The following PAX5 variants were observed in gnomAD, a reference collection of about 807,000 sequenced individuals.
PAX5 encodes paired box 5.
PAX5 carries 9 observed loss-of-function variants against 43.7 expected under a neutral mutation model. The ratio of observed to expected loss-of-function variants is 0.21; its 90% CI spans 0.12 to 0.36. The LOEUF is 0.36. Among genes scored for constraint, PAX5 ranks in the 10% least tolerant of loss-of-function variants. PAX5 has a pLI of 1.00. For synonymous variants in PAX5, 228 were observed against 214.3 expected (o/e 1.06, Z -0.56); for missense variants, 383 against 532.7 (o/e 0.72, Z 2.77).
At chr9:36,918,321 T>C (rs1362739857) in intron 7 of PAX5, among the ~76,000 whole-genome samples, 2 of 152,312 alleles carry the variant, frequency 1.3e-5, no homozygotes, top group South Asian at 2.1e-4. Context: ...AACACATGAA[T>C]GATAAGCCTT....
intron 6 of PAX5, among the ~76,000 whole-genome samples, chr9:36,952,207 T>C (rs1284995740): frequency 6.6e-6 from 1 of 151,706 alleles, no homozygotes; most frequent in Non-Finnish European, 1.5e-5. Context: ...AGTCCTTCTG[T>C]TTTTTTAATA....
intron 5 of PAX5, among the ~76,000 whole-genome samples, chr9:36,997,747 T>G (rs1313560278): frequency 6.6e-6 from 1 of 152,194 alleles, no homozygotes; most frequent in African/African-American, 2.4e-5. Context: ...CTCAGAGCCA[T>G]CCCGCAGGCC....
intron 6 of PAX5, among the ~76,000 whole-genome samples, chr9:36,930,698 T>A (rs923938793): frequency 6.6e-6 from 1 of 151,886 alleles, no homozygotes; most frequent in Admixed American, 6.6e-5. Context: ...ATGAGTAAAA[T>A]GAAATTTTAA....
chr9:36,952,601 A>G (rs890491544), intron 6 of PAX5, among the ~76,000 whole-genome samples: 9 of 152,102 alleles, frequency 5.9e-5, no homozygotes, highest in Non-Finnish European at 4.4e-5. Flanking sequence ...GTGTCATACA[A>G]TTCCATTTTA....
chr9:37,017,249 C>T (rs572603672), intron 2 of PAX5, among the ~76,000 whole-genome samples: 11 of 152,228 alleles, frequency 7.2e-5, no homozygotes, highest in African/African-American at 2.6e-4. Context: ...TATCTTGATC[C>T]TCACACTAAC....
At chr9:36,845,290 C>G (rs550310715) in intron 9 of PAX5, among the ~76,000 whole-genome samples, 2 of 152,354 alleles carry the variant, frequency 1.3e-5, no homozygotes, top group East Asian at 3.9e-4. Flanking sequence ...GACTCATCTC[C>G]CTACCCCCAC....
chr9:36,986,188 T>G (rs560975794), intron 5 of PAX5, among the ~76,000 whole-genome samples: 41 of 151,652 alleles, frequency 2.7e-4, no homozygotes, highest in African/African-American at 7.2e-4. Context: ...CATCCGTTGT[T>G]AGCATAACAA....
At chr9:37,021,045 A>G (rs957689120) in intron 1 of PAX5, among the ~76,000 whole-genome samples, 1 of 152,204 alleles carries the variant, frequency 6.6e-6, no homozygotes, top group Non-Finnish European at 1.5e-5. Flanking sequence ...TCCCCATACT[A>G]TTATTAGCAT....
intron 7 of PAX5, among the ~76,000 whole-genome samples, chr9:36,889,228 C>T (rs1229480934): frequency 6.6e-6 from 1 of 152,166 alleles, no homozygotes; most frequent in East Asian, 1.9e-4. Context: ...ATGTCTTAAC[C>T]TCATTCAATA....
At chr9:36,987,420 A>G (rs1367562561) in intron 5 of PAX5, among the ~76,000 whole-genome samples, 2 of 152,230 alleles carry the variant, frequency 1.3e-5, no homozygotes, top group Admixed American at 6.5e-5. Context: ...CTCATAGGCA[A>G]GAGAGCTTTA....
intron 8 of PAX5, among the ~76,000 whole-genome samples, chr9:36,877,195 C>T (rs781626160): frequency 4.6e-5 from 7 of 152,086 alleles, no homozygotes; most frequent in Non-Finnish European, 8.8e-5. Context: ...AATTAGGTGG[C>T]ATGGTGGCAG....
At position 36,934,918 on chromosome 9, in the gene PAX5, AG is replaced by A. The variant is rs561348535; in HGVS notation, c.781-11435del. ...CCTGTGGAATCAAATGAACTTGGAC[AG>A]GTACCATGGCCTGGCTCTTCCAACG... is the stretch of plus-strand genomic sequence containing the variant. On this transcript the variant is annotated intron_variant, in intron 6 of 9. Transcript: ENST00000358127. 7.2e-5 allele frequency among the ~76,000 whole-genome samples: 11 copies of A among 152,350 alleles called. No homozygotes were observed. The South Asian group carries it at 2.3e-3, about 32-fold the overall frequency.
chr9:36,970,798 T>C (rs1419382026), intron 5 of PAX5, among the ~76,000 whole-genome samples: 1 of 152,152 alleles, frequency 6.6e-6, no homozygotes, highest in Non-Finnish European at 1.5e-5. Flanking sequence ...ATGCCCCAGC[T>C]GGTCCTCCAG....
chr9:36,867,415 G>A lies in PAX5; in HGVS notation c.1012+14589C>T, dbSNP rs7851885. Among the ~76,000 whole-genome samples the A allele has an allele frequency of 8.5e-3, 1,293 of 152,290 alleles. 25 individuals are homozygous for A. The highest frequency in any genetic ancestry group is 0.028 in the African/African-American group (1,150 of 41,554). Reference sequence around the variant, plus strand: ...GGCAAAATCCTTCCCTTGTCATCTAGACTGAACCACTTGCTAGCAAACCAT... The same window carrying A: ...GGCAAAATCCTTCCCTTGTCATCTAAACTGAACCACTTGCTAGCAAACCAT... On this transcript the variant is annotated intron_variant, in intron 8 of 9. Coordinates refer to ENST00000358127, the MANE Select transcript of PAX5 (RefSeq NM_016734.3).
At chr9:37,001,630 A>G (rs1837861376) in intron 5 of PAX5, among the ~76,000 whole-genome samples, 1 of 152,172 alleles carries the variant, frequency 6.6e-6, no homozygotes, top group Non-Finnish European at 1.5e-5. Context: ...CGCAGACCAC[A>G]GGCCAATCCA....
At chr9:37,031,688 G>A (rs1236950622) in intron 1 of PAX5, among the ~76,000 whole-genome samples, 2 of 151,610 alleles carry the variant, frequency 1.3e-5, no homozygotes, top group African/African-American at 4.9e-5. Flanking sequence ...TCCCCTCTCC[G>A]AACCTCTGAG....
chr9:36,923,380 G>C lies in PAX5; in HGVS notation c.885C>G (p.Gly295=). 6.2e-7 allele frequency: 1 copy of C among 1,613,000 alleles called. No individual in the cohort carries two copies. The highest frequency in any genetic ancestry group is 1.1e-5 in the South Asian group (1 of 91,038). Residue 295 remains glycine (G), a synonymous_variant, in exon 7 of 10, where the codon GGC becomes GGG. Transcript: ENST00000358127. ...TPADIGSSVP[G]PQSYPIVTGR... is the part of the protein sequence containing the mutation. ...CTGTCACAATGGGGTAGGACTGCGG[G>C]CCTGGCACACTGCTCCCGATGTCAG...
At chr9:36,867,829 A>T (rs1324475292) in intron 8 of PAX5, among the ~76,000 whole-genome samples, 2 of 152,174 alleles carry the variant, frequency 1.3e-5, no homozygotes, top group Non-Finnish European at 2.9e-5. Context: ...ACTCCTTATA[A>T]AGAAAATTCA....
At chr9:36,864,860 AGAGAC>A (rs1161250136) in intron 8 of PAX5, among the ~76,000 whole-genome samples, 1 of 152,176 alleles carries the variant, frequency 6.6e-6, no homozygotes, top group Non-Finnish European at 1.5e-5. Flanking sequence ...GGGCCTTCAC[AGAGAC>A]GAGGCCAGAG....
Sources: allele counts gnomAD v4.1 joint callset (sites outside exome capture counted in the v4.1 genomes callset), GRCh38; gene constraint gnomAD v4.1.1; transcripts MANE v1.5; gene names NCBI Gene and HGNC (gene_info 2026-07-23, HGNC 2026-07-21).